DPY19L3: variants seen among roughly 807,000 people sequenced by gnomAD.
The protein encoded by DPY19L3 is dpy-19 like C-mannosyltransferase 3, also known as protein C-mannosyl-transferase DPY19L3.
DPY19L3 carries 51 observed loss-of-function variants against 92.3 expected under a neutral mutation model. That is an observed-to-expected ratio of 0.55 (90% CI 0.44 to 0.70). DPY19L3 has a LOEUF of 0.70. DPY19L3 is among the 30% of genes least tolerant of loss of function. The pLI is 0.00. For synonymous variants in DPY19L3, 309 were observed against 315.2 expected (o/e 0.98, Z 0.21); for missense variants, 706 against 855.9 (o/e 0.82, Z 2.18).
chr19:32,435,369 A>G (rs1018192283), intron 4 of DPY19L3, among the ~76,000 whole-genome samples: 4 of 152,226 alleles, frequency 2.6e-5, no homozygotes, highest in Non-Finnish European at 5.9e-5. Flanking sequence ...ATTGAGGAAC[A>G]TCTGGGTTGT....
chr19:32,425,364 A>G (rs374586796), intron 3 of DPY19L3, among the ~76,000 whole-genome samples: 2 of 152,146 alleles, frequency 1.3e-5, no homozygotes, highest in African/African-American at 4.8e-5. Context: ...CAGCCGGGCC[A>G]AAATAGTAAA....
At position 32,445,440 on chromosome 19, in the gene DPY19L3, CAAAAAAA is replaced by C. The variant is rs71336904; in HGVS notation, c.855+5545_855+5551del. On this transcript the variant is annotated intron_variant, in intron 8 of 18. Coordinates refer to ENST00000392250, the MANE Select transcript of DPY19L3 (RefSeq NM_001172774.2). ...TGGGGGACAGAGCGAGACTTCATCT[CAAAAAAA>C]AAAAAAAAAAAAAACCATCAACCTA... 1.5e-3 allele frequency among the ~76,000 whole-genome samples: 65 copies of C among 42,830 alleles called. 4 individuals carry two copies. Among genetic ancestry groups the C allele is most frequent in the African/African-American group, 6.9e-3 (60 of 8,728 alleles). The allele number at this position is 42,830 out of a possible 152,430, so 28.1% of individuals were successfully genotyped here.
At chr19:32,417,166 T>G (rs1325793820) in intron 3 of DPY19L3, among the ~76,000 whole-genome samples, 1 of 152,166 alleles carries the variant, frequency 6.6e-6, no homozygotes, top group Non-Finnish European at 1.5e-5. Flanking sequence ...TTTGATATGG[T>G]TTGGCTGTGT....
chr19:32,421,645 A>G (rs11084645), intron 3 of DPY19L3, among the ~76,000 whole-genome samples: 6,180 of 38,034 alleles, frequency 0.16, 342 homozygotes, highest in Admixed American at 0.39. Context: ...AAAAAAAAAA[A>G]AGAGAGAGGA....
At chr19:32,443,620 T>G (rs983074875) in intron 8 of DPY19L3, among the ~76,000 whole-genome samples, 4 of 152,156 alleles carry the variant, frequency 2.6e-5, no homozygotes, top group Non-Finnish European at 5.9e-5. Context: ...AAGTAACTTT[T>G]TTGTTGTTTA....
intron 17 of DPY19L3, chr19:32,479,587 C>A: frequency 2.3e-6 from 1 of 434,632 alleles, no homozygotes; most frequent in Non-Finnish European, 4.6e-6. Flanking sequence ...TCAAGTTAGA[C>A]CCTCAAGCCC....
In DPY19L3 at chr19:32,439,878, C is replaced by G; in HGVS notation, c.823C>G (p.Leu275Val). 1 of 1,613,808 alleles carries G rather than the reference C, an allele frequency of 6.2e-7. No homozygotes were observed. Among genetic ancestry groups the G allele is most frequent in the Non-Finnish European group, 8.5e-7 (1 of 1,179,812 alleles). The change falls in exon 8 of 19, where the codon CTG (leucine) becomes GTG (valine). Residue 275 changes from leucine (L) to valine (V), a missense_variant. Leu to Val is a conservative substitution (Grantham distance 32, BLOSUM62 1). Transcript: ENST00000392250. ...GATGCAAGCATTAGTGCTGTTCACA[C>G]TGGACTCCCTGGACATGCTGCCAGC... ...MLMQALVLFTLDSLDMLPAVK... is the reference protein window; with the variant it reads ...MLMQALVLFTVDSLDMLPAVK...
In DPY19L3 at chr19:32,421,506, G is replaced by A. The variant is rs535366503; in HGVS notation, c.237+10134G>A. Among the ~76,000 whole-genome samples, 39 of 152,138 alleles carry A rather than the reference G, an allele frequency of 2.6e-4. 1 individual carries two copies. The South Asian group carries it at 8.1e-3, about 32-fold the overall frequency. ...AATACAAAAATTAGCCAGGTGTGGTGGTCTACTCCTGTAATCCCAGCTGAA... is the reference window on the plus strand; with the variant it reads ...AATACAAAAATTAGCCAGGTGTGGTAGTCTACTCCTGTAATCCCAGCTGAA... On this transcript the variant is annotated intron_variant, in intron 3 of 18. Coordinates refer to ENST00000392250, the MANE Select transcript of DPY19L3 (RefSeq NM_001172774.2).
chr19:32,457,164 G>GA (rs2145575106), intron 10 of DPY19L3, among the ~76,000 whole-genome samples: 1 of 152,268 alleles, frequency 6.6e-6, no homozygotes. Flanking sequence ...ACTCCCCGAA[G>GA]AATAACATCT....
Position 32,408,271 on chromosome 19 carries a change from A to T in DPY19L3, c.18A>T (p.Gln6His). The change falls in exon 2 of 19, where the codon CAA becomes CAT. Residue 6 changes from glutamine to histidine, a missense_variant. By Grantham distance (24) the Gln-to-His change is conservative (BLOSUM62 0). Transcript: ENST00000392250. MMSIRQRREIRATEVS... is the reference protein window; with the variant it reads MMSIRHRREIRATEVS... ...CTGACATCATGATGTCCATCCGGCA[A>T]AGAAGAGAAATAAGAGCCACAGAAG... is the stretch of plus-strand genomic sequence containing the variant. The T allele has an allele frequency of 6.2e-7, 1 of 1,613,102 alleles. No individual in the cohort carries two copies. Among genetic ancestry groups the T allele is most frequent in the Non-Finnish European group, 8.5e-7 (1 of 1,179,874 alleles).
chr19:32,414,440 A>C (rs1328436616), intron 3 of DPY19L3, among the ~76,000 whole-genome samples: 1 of 151,332 alleles, frequency 6.6e-6, no homozygotes. Context: ...AACAAACAAA[A>C]GAAATTAGCC....
At chr19:32,431,249 A>C (rs1446563446) in intron 3 of DPY19L3, among the ~76,000 whole-genome samples, 1 of 152,024 alleles carries the variant, frequency 6.6e-6, no homozygotes, top group Non-Finnish European at 1.5e-5. Context: ...CATGGTGCAC[A>C]TGCCTGTAAT....
chr19:32,468,946 T>G, intron 16 of DPY19L3, 133 bp downstream of exon 16: 1 of 804,350 alleles, frequency 1.2e-6, no homozygotes, highest in African/African-American at 1.8e-5. Context: ...TACTAGATTT[T>G]TCTTTAAAAC....
At chr19:32,413,788 A>G (rs1273464992) in intron 3 of DPY19L3, among the ~76,000 whole-genome samples, 1 of 152,010 alleles carries the variant, frequency 6.6e-6, no homozygotes, top group Non-Finnish European at 1.5e-5. Context: ...TGGCACAATT[A>G]CAGCTCGCTG....
At chr19:32,444,176 T>TA (rs148094587) in intron 8 of DPY19L3, among the ~76,000 whole-genome samples, 6,071 of 150,554 alleles carry the variant, frequency 0.04, 385 homozygotes, top group African/African-American at 0.14. Context: ...GCAGCCATCA[T>TA]AAAAAAAAAG....
chr19:32,480,548 C>T lies in DPY19L3; in HGVS notation c.1980C>T (p.Ala660=). Residue 660 remains alanine (A), a synonymous_variant, in exon 18 of 19, where the codon GCC becomes GCT. Transcript: ENST00000392250. The part of the protein sequence containing the change: ...GCRLRDLLDI[A]NGHMMDGPGE... ...GACTCCGGGACCTGCTGGACATTGC[C>T]AACGGCCACGTGAGCATGCTGCCTC... 1 of 1,612,498 alleles carries T rather than the reference C, an allele frequency of 6.2e-7. No individual in the cohort carries two copies. The highest frequency in any genetic ancestry group is 8.5e-7 in the Non-Finnish European group (1 of 1,179,254).
rs1969758815 is a variant in DPY19L3, at chr19:32,453,134, G to C, written c.856-11G>C. Reference sequence around the variant, plus strand: ...AAATGTCTGTACTCATCTAATCTTTGGTTCTTGCAGGCGACATGGCTGTAT... The same window carrying C: ...AAATGTCTGTACTCATCTAATCTTTCGTTCTTGCAGGCGACATGGCTGTAT... On this transcript the variant is annotated splice_polypyrimidine_tract_variant and intron_variant, in intron 8 of 18. Coordinates refer to ENST00000392250, the MANE Select transcript of DPY19L3 (RefSeq NM_001172774.2). 4 of 1,613,496 alleles carry C rather than the reference G, an allele frequency of 2.5e-6. No homozygotes were observed. Among genetic ancestry groups the C allele is most frequent in the Non-Finnish European group, 3.4e-6 (4 of 1,179,860 alleles).
At chr19:32,448,401 G>T (rs542083861) in intron 8 of DPY19L3, among the ~76,000 whole-genome samples, 2 of 152,188 alleles carry the variant, frequency 1.3e-5, no homozygotes, top group Non-Finnish European at 2.9e-5. Flanking sequence ...TACTGGTGCC[G>T]ATGTCTCCCC....
At chr19:32,407,968 A>G (rs1968035169) in intron 1 of DPY19L3, among the ~76,000 whole-genome samples, 1 of 152,050 alleles carries the variant, frequency 6.6e-6, no homozygotes, top group African/African-American at 2.4e-5. Context: ...ACATGCCTGT[A>G]GTCCAGATAC....
Sources: gnomAD v4.1 joint callset for allele counts (sites outside exome capture counted in the v4.1 genomes callset) on GRCh38, gnomAD v4.1.1 for gene constraint, MANE v1.5 for transcripts, NCBI Gene and HGNC (gene_info 2026-07-23, HGNC 2026-07-21) for gene names.